The following MANBA variants were observed in gnomAD, a reference collection of about 807,000 sequenced individuals.
The protein encoded by MANBA is beta-mannosidase.
MANBA carries 83 observed loss-of-function variants against 111.1 expected under a neutral mutation model. The observed-to-expected ratio is 0.75, with a 90% confidence interval of 0.63 to 0.90. MANBA has a LOEUF of 0.90. MANBA is among the 40% of genes least tolerant of loss of function. The pLI is 0.00. For missense variants in MANBA, 1,036 were observed against 1,069.0 expected, an observed-to-expected ratio of 0.97 and a Z score of 0.43; for synonymous variants, 370 against 378.7, an observed-to-expected ratio of 0.98 and a Z score of 0.27.
intron 1 of MANBA, among the ~76,000 whole-genome samples, chr4:102,756,728 C>T (rs922825793): frequency 1.4e-5 from 2 of 145,374 alleles, no homozygotes; most frequent in Non-Finnish European, 1.5e-5. Flanking sequence ...GTGGTTATCT[C>T]TGGGAGTGAT....
At chr4:102,645,267 T>C (rs943400314) in intron 13 of MANBA, among the ~76,000 whole-genome samples, 5 of 152,090 alleles carry the variant, frequency 3.3e-5, no homozygotes, top group African/African-American at 4.8e-5. Flanking sequence ...TTGATACCAT[T>C]TTATTGAGGA....
intron 13 of MANBA, among the ~76,000 whole-genome samples, chr4:102,645,922 T>G (rs1346652877): frequency 6.6e-6 from 1 of 152,162 alleles, no homozygotes; most frequent in Admixed American, 6.6e-5. Context: ...TGAAAATTAC[T>G]GTTAACAATT....
intron 1 of MANBA, among the ~76,000 whole-genome samples, chr4:102,731,936 T>C (rs1198009123): frequency 2.0e-5 from 3 of 152,050 alleles, no homozygotes; most frequent in African/African-American, 7.2e-5. Flanking sequence ...AGATGGAGTT[T>C]CACTCTTGTT....
At chr4:102,726,556 T>C in intron 2 of MANBA, 33 bp downstream of exon 2, 1 of 1,130,012 alleles carries the variant, frequency 8.8e-7, no homozygotes, top group Non-Finnish European at 1.3e-6. Flanking sequence ...AAAGTTCAAA[T>C]AATAATAAAA....
chr4:102,715,403 C>G (rs1722279466), intron 4 of MANBA, among the ~76,000 whole-genome samples: 1 of 152,210 alleles, frequency 6.6e-6, no homozygotes, highest in African/African-American at 2.4e-5. Context: ...GAGCCACACT[C>G]AACTCAGATT....
intron 10 of MANBA, chr4:102,665,433 A>G (rs1322662882): frequency 6.5e-6 from 1 of 153,472 alleles, no homozygotes; most frequent in Non-Finnish European, 1.4e-5. Context: ...GGAATACTCT[A>G]AAGGAAAACA....
intron 10 of MANBA, chr4:102,668,389 T>C (rs1263620286): frequency 1.3e-5 from 2 of 154,230 alleles, no homozygotes; most frequent in African/African-American, 4.8e-5. Context: ...AAAGATTACT[T>C]CAATATAAGA....
At chr4:102,652,943 A>G (rs1486097355) in intron 12 of MANBA, among the ~76,000 whole-genome samples, 1 of 152,058 alleles carries the variant, frequency 6.6e-6, no homozygotes, top group Non-Finnish European at 1.5e-5. Context: ...TTATCACCCC[A>G]TTTTACAGAT....
chr4:102,677,338 G>C (rs191360764), intron 7 of MANBA, among the ~76,000 whole-genome samples: 5 of 152,064 alleles, frequency 3.3e-5, no homozygotes, highest in Admixed American at 1.3e-4. Flanking sequence ...ACTACCTCAC[G>C]GTAGTAGATA....
At chr4:102,758,797 T>C (rs1239657606) in intron 1 of MANBA, among the ~76,000 whole-genome samples, 2 of 152,118 alleles carry the variant, frequency 1.3e-5, no homozygotes, top group African/African-American at 4.8e-5. Context: ...GTGCTGGGAT[T>C]ATAGGCATGA....
intron 16 of MANBA, chr4:102,633,396 T>C (rs1729474192): frequency 2.5e-6 from 1 of 398,650 alleles, no homozygotes; most frequent in South Asian, 1.3e-4. Flanking sequence ...GTGTCATGCT[T>C]ATGCTGGTTA....
At chr4:102,655,980 T>C (rs1000746339) in intron 12 of MANBA, among the ~76,000 whole-genome samples, 7 of 152,126 alleles carry the variant, frequency 4.6e-5, no homozygotes, top group African/African-American at 1.7e-4. Context: ...AGGCCATGCA[T>C]AGTGGCTCAC....
intron 1 of MANBA, chr4:102,729,174 G>A: frequency 1.4e-6 from 1 of 721,666 alleles, no homozygotes; most frequent in Non-Finnish European, 2.6e-6. Context: ...CTGTGATGGT[G>A]CCCTCCAGGG....
intron 4 of MANBA, among the ~76,000 whole-genome samples, chr4:102,720,837 G>C (rs578210666): frequency 6.6e-6 from 1 of 152,258 alleles, no homozygotes; most frequent in South Asian, 2.1e-4. Flanking sequence ...AGTTTAGGTA[G>C]GTTGAATCAA....
chr4:102,697,200 T>C (rs957166373), intron 5 of MANBA, among the ~76,000 whole-genome samples: 2 of 152,308 alleles, frequency 1.3e-5, no homozygotes, highest in East Asian at 3.9e-4. Context: ...ACCCTCTCTA[T>C]GGGTATTTCA....
Position 102,632,088 on chromosome 4 carries a change from A to G in MANBA, c.2609T>C (p.Phe870Ser). ...AATATCTGTTAAGGAGGTCACATGA[A>G]AAGATTGCTCCAACTCATTCTTGCT... ...PTSKNELEQS[F>S]HVTSLTDIY The change falls in exon 17 of 17, where the codon TTT becomes TCT. Residue 870 changes from phenylalanine to serine, a missense_variant. Physicochemically the swap from Phe to Ser is radical, Grantham distance 155 (BLOSUM62 -2). Transcript: ENST00000647097. 1 of 1,609,852 alleles carries G rather than the reference A, an allele frequency of 6.2e-7. No individual in the cohort carries two copies. Among genetic ancestry groups the G allele is most frequent in the South Asian group, 1.1e-5 (1 of 90,952 alleles).
At chr4:102,734,024 T>A (rs1190463680) in intron 1 of MANBA, among the ~76,000 whole-genome samples, 1 of 152,208 alleles carries the variant, frequency 6.6e-6, no homozygotes, top group Non-Finnish European at 1.5e-5. Context: ...AATATTGCAA[T>A]GGTGAATACA....
In MANBA at chr4:102,730,778, T is replaced by C. The variant is rs550700034; in HGVS notation, c.178-4095A>G. The C allele has an allele frequency of 2.7e-4, 126 of 469,262 alleles. 2 individuals are homozygous for C. The highest frequency in any genetic ancestry group is 2.0e-3 in the South Asian group (122 of 61,378). The allele number at this position is 469,262 out of a possible 1,614,324, so 29.1% of individuals were successfully genotyped here. ...AATAAGTCTTTCTGAGTTTCTCTTA[T>C]AGGGTTTAGCTTGTTAATTTCCTTA... On this transcript the variant is annotated intron_variant, in intron 1 of 16. Transcript: ENST00000647097.
chr4:102,686,585 C>A (rs1198193421), intron 7 of MANBA, among the ~76,000 whole-genome samples: 1 of 152,180 alleles, frequency 6.6e-6, no homozygotes. Context: ...CCAGTAATCT[C>A]CTTGCCACCA....
Sources: gnomAD v4.1 joint callset for allele counts (sites outside exome capture counted in the v4.1 genomes callset) on GRCh38, gnomAD v4.1.1 for gene constraint, MANE v1.5 for transcripts, NCBI Gene and HGNC (gene_info 2026-07-23, HGNC 2026-07-21) for gene names.